CNOT4: variants seen among roughly 807,000 people sequenced by gnomAD.
CNOT4 encodes CCR4-NOT transcription complex subunit 4.
In CNOT4, 8 loss-of-function variants were observed where a neutral mutation model predicts 73.8. That is an observed-to-expected ratio of 0.11 (90% confidence interval 0.06 to 0.20). The LOEUF is 0.20. Among genes scored for constraint, CNOT4 ranks in the 10% least tolerant of loss-of-function variants. The pLI is 1.00. For missense variants in CNOT4, 564 were observed against 883.4 expected (o/e 0.64, Z 4.58); for synonymous variants, 293 against 321.1 (o/e 0.91, Z 0.94).
intron 1 of CNOT4, among the ~76,000 whole-genome samples, chr7:135,484,301 T>C (rs1585716998): frequency 6.6e-6 from 1 of 151,946 alleles, no homozygotes; most frequent in South Asian, 2.1e-4. Context: ...CCAACATAAT[T>C]ATGGAAATTC....
intron 1 of CNOT4, among the ~76,000 whole-genome samples, chr7:135,493,706 C>A (rs1052027795): frequency 6.6e-6 from 1 of 152,066 alleles, no homozygotes; most frequent in Non-Finnish European, 1.5e-5. Flanking sequence ...ATACAAGTAG[C>A]AGTGTCAAAG....
chr7:135,433,176 G>A (rs1042684274), intron 2 of CNOT4, among the ~76,000 whole-genome samples: 1 of 152,014 alleles, frequency 6.6e-6, no homozygotes, highest in Admixed American at 6.6e-5. Flanking sequence ...TTGATCCTCA[G>A]ATGAACTTAA....
At chr7:135,454,410 C>G (rs531257514) in intron 1 of CNOT4, among the ~76,000 whole-genome samples, 20 of 151,142 alleles carry the variant, frequency 1.3e-4, no homozygotes, top group African/African-American at 3.9e-4. Context: ...TCTCAGCACT[C>G]TGGGAGGCCA....
At chr7:135,476,378 G>A (rs1801996077) in intron 1 of CNOT4, among the ~76,000 whole-genome samples, 1 of 152,084 alleles carries the variant, frequency 6.6e-6, no homozygotes, top group South Asian at 2.1e-4. Flanking sequence ...CTAAAAATGA[G>A]GCTTGGAAGT....
At chr7:135,495,929 G>A (rs1803545339) in intron 1 of CNOT4, among the ~76,000 whole-genome samples, 2 of 152,008 alleles carry the variant, frequency 1.3e-5, no homozygotes, top group African/African-American at 4.8e-5. Flanking sequence ...GGAAGATCCT[G>A]TCTCTAAAAT....
intron 2 of CNOT4, among the ~76,000 whole-genome samples, chr7:135,437,677 G>T (rs551603943): frequency 6.6e-6 from 1 of 152,134 alleles, no homozygotes; most frequent in Non-Finnish European, 1.5e-5. Flanking sequence ...CTCAAGAAAT[G>T]AGCATTTATT....
chr7:135,405,054 G>T (rs964505892), intron 7 of CNOT4, among the ~76,000 whole-genome samples: 1 of 152,216 alleles, frequency 6.6e-6, no homozygotes, highest in Non-Finnish European at 1.5e-5. Context: ...AGACTGAAGA[G>T]TGGGAGAATG....
chr7:135,444,178 C>T (rs1336429245), intron 1 of CNOT4, among the ~76,000 whole-genome samples: 2 of 150,600 alleles, frequency 1.3e-5, no homozygotes, highest in Admixed American at 6.6e-5. Context: ...TAATAATACA[C>T]GAGAATGTAA....
intron 1 of CNOT4, among the ~76,000 whole-genome samples, chr7:135,492,876 T>G (rs1803207142): frequency 6.6e-6 from 1 of 152,088 alleles, no homozygotes; most frequent in Non-Finnish European, 1.5e-5. Flanking sequence ...GGTCACAGTA[T>G]TAGAGGGACC....
At chr7:135,442,890 T>G (rs956291665) in intron 1 of CNOT4, among the ~76,000 whole-genome samples, 2 of 151,288 alleles carry the variant, frequency 1.3e-5, no homozygotes, top group African/African-American at 4.9e-5. Context: ...AGACCTTGTC[T>G]CTATGAAAAA....
At chr7:135,429,704 C>G (rs1284012391) in intron 2 of CNOT4, among the ~76,000 whole-genome samples, 1 of 152,174 alleles carries the variant, frequency 6.6e-6, no homozygotes, top group Non-Finnish European at 1.5e-5. Flanking sequence ...GCCCTATCAT[C>G]ATAAACAACT....
At chr7:135,366,241 A>G (rs1794906212) in intron 10 of CNOT4, among the ~76,000 whole-genome samples, 1 of 152,224 alleles carries the variant, frequency 6.6e-6, no homozygotes, top group Non-Finnish European at 1.5e-5. Context: ...TTTAGTGAGC[A>G]ATGAAATTGA....
rs537656813 is a variant in CNOT4, at chr7:135,438,359, G to A, written c.-28C>T. ...TCACGTTTATTAAACAGCAGCAAAA[G>A]TTTATAATAATTTAAGGGAGAAGGA... On this transcript the variant is annotated 5_prime_UTR_variant, in exon 2 of 12. Transcript: ENST00000541284. The A allele has an allele frequency of 4.5e-6, 7 of 1,557,858 alleles. No homozygotes were observed. The East Asian group carries it at 1.1e-4, about 26-fold the overall frequency.
chr7:135,483,441 T>C (rs995583531), intron 1 of CNOT4, among the ~76,000 whole-genome samples: 1 of 151,904 alleles, frequency 6.6e-6, no homozygotes, highest in African/African-American at 2.4e-5. Context: ...TGAAAAATAA[T>C]GTAATCTGCC....
intron 10 of CNOT4, among the ~76,000 whole-genome samples, chr7:135,390,591 T>C (rs1585571545): frequency 6.6e-6 from 1 of 152,092 alleles, no homozygotes; most frequent in African/African-American, 2.4e-5. Flanking sequence ...TAACTACTAA[T>C]TTTAAACACA....
chr7:135,458,479 T>C (rs1800681149), intron 1 of CNOT4, among the ~76,000 whole-genome samples: 2 of 149,684 alleles, frequency 1.3e-5, no homozygotes, highest in Admixed American at 1.3e-4. Context: ...AGCCATTGAC[T>C]CTCTCTTTCA....
intron 10 of CNOT4, among the ~76,000 whole-genome samples, chr7:135,372,843 C>A (rs974947245): frequency 6.6e-6 from 1 of 152,132 alleles, no homozygotes; most frequent in African/African-American, 2.4e-5. Context: ...GCGTGAGCCA[C>A]CGCACCCAGC....
At chr7:135,490,690 G>A (rs556778700) in intron 1 of CNOT4, among the ~76,000 whole-genome samples, 1 of 152,192 alleles carries the variant, frequency 6.6e-6, no homozygotes, top group African/African-American at 2.4e-5. Context: ...GTGCCTTCAA[G>A]GCTGACATGA....
chr7:135,418,162 C>A (rs1299622836), intron 3 of CNOT4, among the ~76,000 whole-genome samples: 1 of 152,148 alleles, frequency 6.6e-6, no homozygotes, highest in Non-Finnish European at 1.5e-5. Flanking sequence ...AAAGTATTAG[C>A]AAATGGCAAG....
Sources: gnomAD v4.1 joint callset for allele counts (sites outside exome capture counted in the v4.1 genomes callset) on GRCh38, gnomAD v4.1.1 for gene constraint, MANE v1.5 for transcripts, NCBI Gene and HGNC (gene_info 2026-07-23, HGNC 2026-07-21) for gene names.